Variants in PDE7B observed in about 807,000 individuals in gnomAD.
PDE7B encodes 3',5'-cyclic-AMP phosphodiesterase 7B.
A neutral mutation model predicts 56.2 loss-of-function variants in PDE7B; 29 were observed. The observed-to-expected ratio is 0.52, with a 90% CI of 0.38 to 0.70. The LOEUF (loss-of-function observed/expected upper bound fraction) is 0.70, where lower values mean the gene tolerates loss of function less well. PDE7B is among the 30% of genes least tolerant of loss of function. The pLI is 0.00. For synonymous variants in PDE7B, 197 were observed against 196.9 expected, an observed-to-expected ratio of 1.00 and a Z score of 0.00; for missense variants, 490 against 565.0, an observed-to-expected ratio of 0.87 and a Z score of 1.35.
At chr6:135,997,709 A>G (rs77014349) in intron 2 of PDE7B, among the ~76,000 whole-genome samples, 4,220 of 152,216 alleles carry the variant, frequency 0.028, 82 homozygotes, top group Non-Finnish European at 0.043. Context: ...ATTTGCAAAA[A>G]GTTTTTAAGA....
chr6:135,929,837 T>C (rs9483896), intron 1 of PDE7B, among the ~76,000 whole-genome samples: 11,724 of 152,114 alleles, frequency 0.077, 1,437 homozygotes, highest in African/African-American at 0.26. Flanking sequence ...AGCTGTAACC[T>C]GAAGGGCAGA....
intron 2 of PDE7B, among the ~76,000 whole-genome samples, chr6:136,024,948 C>T (rs570624199): frequency 3.9e-5 from 6 of 152,254 alleles, no homozygotes; most frequent in East Asian, 1.9e-4. Flanking sequence ...CTGTTTTCTA[C>T]GACCAATCTG....
intron 2 of PDE7B, among the ~76,000 whole-genome samples, chr6:136,037,021 G>C (rs552634699): frequency 6.6e-6 from 1 of 152,316 alleles, no homozygotes; most frequent in South Asian, 2.1e-4. Context: ...CTCCATCTCT[G>C]AGACTAGGAA....
At chr6:136,115,426 C>A (rs1037317984) in intron 3 of PDE7B, among the ~76,000 whole-genome samples, 1 of 152,038 alleles carries the variant, frequency 6.6e-6, no homozygotes, top group African/African-American at 2.4e-5. Context: ...CTTAAGAAAC[C>A]AGGAAAACAT....
At chr6:135,948,878 GA>G (rs1314719793) in intron 2 of PDE7B, among the ~76,000 whole-genome samples, 2 of 145,998 alleles carry the variant, frequency 1.4e-5, no homozygotes, top group East Asian at 3.9e-4. Flanking sequence ...TAGATAGATA[GA>G]TAGATAGATA....
Position 135,973,883 on chromosome 6 carries a change from G to A in PDE7B, c.82+26359G>A, listed in dbSNP as rs532907742. The stretch of plus-strand genomic sequence containing the variant: ...GTTGGCCAGTAGAGAGTTATTTCCA[G>A]ACTGAGTCACCATCAGCTGCATGTG... On this transcript the variant is annotated intron_variant, in intron 2 of 12. Transcript: ENST00000308191. Among the ~76,000 whole-genome samples, 4 of 152,298 alleles carry A rather than the reference G, an allele frequency of 2.6e-5. No homozygotes were observed. In the South Asian group the frequency reaches 8.3e-4, roughly 32 times the overall value.
chr6:135,953,834 T>G (rs1307840579), intron 2 of PDE7B, among the ~76,000 whole-genome samples: 3 of 152,192 alleles, frequency 2.0e-5, no homozygotes. Flanking sequence ...AAGACTGTGT[T>G]GAAAGACAGA....
intron 1 of PDE7B, among the ~76,000 whole-genome samples, chr6:135,936,307 A>G (rs1159569999): frequency 1.3e-5 from 2 of 152,226 alleles, no homozygotes; most frequent in African/African-American, 4.8e-5. Context: ...GACATCAGAT[A>G]GGCAAATATC....
intron 1 of PDE7B, among the ~76,000 whole-genome samples, chr6:135,876,458 A>G (rs1250396928): frequency 2.0e-5 from 3 of 152,216 alleles, no homozygotes; most frequent in Non-Finnish European, 2.9e-5. Context: ...TACATTTCAT[A>G]TATTTCATCA....
intron 2 of PDE7B, among the ~76,000 whole-genome samples, chr6:136,025,873 T>A (rs1776141341): frequency 6.6e-6 from 1 of 152,216 alleles, no homozygotes; most frequent in South Asian, 2.1e-4. Flanking sequence ...TCAGAAACAT[T>A]TAAAGCTCTT....
chr6:135,934,810 TTA>T (rs1382718131), intron 1 of PDE7B, among the ~76,000 whole-genome samples: 16 of 114,086 alleles, frequency 1.4e-4, no homozygotes, highest in African/African-American at 3.2e-4. Context: ...TATATATTTA[TTA>T]TATATATATT....
At position 136,139,988 on chromosome 6, in the gene PDE7B, G is replaced by C. The variant is rs558966182; in HGVS notation, c.167-7363G>C. Among the ~76,000 whole-genome samples, 21 of 152,246 alleles carry C rather than the reference G, an allele frequency of 1.4e-4. No homozygotes were observed. In the East Asian group the frequency reaches 3.9e-3, roughly 28 times the overall value. On this transcript the variant is annotated intron_variant, in intron 3 of 12. Transcript: ENST00000308191. ...TCTTTAGTTTAATTAGATCCCATTG[G>C]TCAATTTTGGCTTTTGTTGCCATTG...
chr6:135,984,154 A>G (rs1046450313), intron 2 of PDE7B, among the ~76,000 whole-genome samples: 1 of 152,226 alleles, frequency 6.6e-6, no homozygotes, highest in African/African-American at 2.4e-5. Flanking sequence ...AGTTGCAGGA[A>G]GATTTTTCAT....
chr6:135,989,890 T>C (rs1341883223), intron 2 of PDE7B, among the ~76,000 whole-genome samples: 1 of 152,098 alleles, frequency 6.6e-6, no homozygotes, highest in Non-Finnish European at 1.5e-5. Flanking sequence ...TCAAATTCAA[T>C]TTGAATATTG....
intron 2 of PDE7B, among the ~76,000 whole-genome samples, chr6:136,096,497 T>TTG (rs35826561): frequency 2.0e-5 from 3 of 148,244 alleles, no homozygotes; most frequent in African/African-American, 7.6e-5. Flanking sequence ...TTTTTTTTTT[T>TTG]GGCAGTGTTT....
chr6:136,071,381 C>T (rs554942705), intron 2 of PDE7B: 1 of 152,208 alleles, frequency 6.6e-6, no homozygotes, highest in Non-Finnish European at 1.5e-5. Context: ...TGTAGCCAAC[C>T]TCAGCCTTCA....
At chr6:136,080,392 T>G (rs1282900872) in intron 2 of PDE7B, among the ~76,000 whole-genome samples, 1 of 152,202 alleles carries the variant, frequency 6.6e-6, no homozygotes, top group African/African-American at 2.4e-5. Flanking sequence ...CACTTAAACT[T>G]TAACTTTCTC....
At chr6:136,094,680 G>C (rs1777445310) in intron 2 of PDE7B, 1 of 152,188 alleles carries the variant, frequency 6.6e-6, no homozygotes, top group Admixed American at 6.6e-5. Flanking sequence ...TATTGACTTT[G>C]TTTATTGTCT....
intron 3 of PDE7B, among the ~76,000 whole-genome samples, chr6:136,124,997 T>C (rs1480790719): frequency 1.3e-5 from 2 of 152,152 alleles, no homozygotes; most frequent in African/African-American, 2.4e-5. Flanking sequence ...TAAAGTACAA[T>C]ATTGAGGATT....
Sources: gnomAD v4.1 joint callset for allele counts (sites outside exome capture counted in the v4.1 genomes callset) on GRCh38, gnomAD v4.1.1 for gene constraint, MANE v1.5 for transcripts, NCBI Gene and HGNC (gene_info 2026-07-23, HGNC 2026-07-21) for gene names.